The following PACRG variants were observed in gnomAD, a reference collection of about 807,000 sequenced individuals.
PACRG encodes parkin coregulated gene protein.
In PACRG, 29 loss-of-function variants were observed where a neutral mutation model predicts 29.7. The ratio of observed to expected loss-of-function variants is 0.98; its 90% CI spans 0.73 to 1.33. The LOEUF is 1.33. Ranked by LOEUF, PACRG falls within the 40% of genes most tolerant of loss-of-function variation. PACRG has a pLI of 0.00. For synonymous variants in PACRG, 116 were observed against 118.7 expected, an observed-to-expected ratio of 0.98 and a Z score of 0.15; for missense variants, 279 against 316.2, an observed-to-expected ratio of 0.88 and a Z score of 0.89.
chr6:162,742,740 G>A (rs967924884), intron 1 of PACRG, among the ~76,000 whole-genome samples: 2 of 151,886 alleles, frequency 1.3e-5, no homozygotes, highest in South Asian at 2.1e-4. Flanking sequence ...TCATCCATTG[G>A]TGGATGCTTA....
intron 2 of PACRG, among the ~76,000 whole-genome samples, chr6:162,987,322 T>A (rs1802988832): frequency 6.6e-6 from 1 of 152,166 alleles, no homozygotes. Context: ...GCTACCAGGC[T>A]CCAGGCTGGT....
intron 4 of PACRG, among the ~76,000 whole-genome samples, chr6:163,216,231 C>G (rs753241847): frequency 3.3e-5 from 5 of 152,060 alleles, no homozygotes; most frequent in Non-Finnish European, 7.4e-5. Context: ...TCTGGGACAC[C>G]AGGGTGATGT....
intron 1 of PACRG, among the ~76,000 whole-genome samples, chr6:162,773,801 G>T (rs1783432723): frequency 6.6e-6 from 1 of 151,962 alleles, no homozygotes; most frequent in Non-Finnish European, 1.5e-5. Context: ...TAATTAAATA[G>T]AAACCTTATT....
intron 2 of PACRG, among the ~76,000 whole-genome samples, chr6:163,018,947 C>G (rs910381966): frequency 6.6e-6 from 1 of 152,100 alleles, no homozygotes; most frequent in Non-Finnish European, 1.5e-5. Flanking sequence ...GTTTCTTAAA[C>G]TGTTGTCTGT....
chr6:163,289,960 G>A (rs1209661790), intron 4 of PACRG, among the ~76,000 whole-genome samples: 1 of 152,060 alleles, frequency 6.6e-6, no homozygotes, highest in Non-Finnish European at 1.5e-5. Context: ...TGATTCTCCT[G>A]CCTCAGCCTC....
chr6:163,240,875 C>T (rs1199285742), intron 4 of PACRG, among the ~76,000 whole-genome samples: 2 of 152,220 alleles, frequency 1.3e-5, no homozygotes, highest in South Asian at 2.1e-4. Context: ...GGCTTCCCTC[C>T]TCGCCCGTAG....
chr6:162,908,239 C>T (rs1444020264), intron 2 of PACRG, among the ~76,000 whole-genome samples: 2 of 152,202 alleles, frequency 1.3e-5, no homozygotes, highest in Non-Finnish European at 2.9e-5. Flanking sequence ...GAAACTCAAA[C>T]TTCAGCCAAG....
intron 3 of PACRG, among the ~76,000 whole-genome samples, chr6:163,065,925 G>C (rs1811503601): frequency 6.6e-6 from 1 of 152,276 alleles, no homozygotes; most frequent in Admixed American, 6.5e-5. Context: ...GGCCAGAAAA[G>C]ATATTAAATT....
At chr6:163,305,110 T>G (rs1235054775) in intron 4 of PACRG, among the ~76,000 whole-genome samples, 1 of 152,184 alleles carries the variant, frequency 6.6e-6, no homozygotes, top group African/African-American at 2.4e-5. Context: ...GTGCCTGTGC[T>G]CCTCACAGGA....
At chr6:163,151,410 C>G (rs1021695760) in intron 4 of PACRG, among the ~76,000 whole-genome samples, 2 of 152,186 alleles carry the variant, frequency 1.3e-5, no homozygotes, top group African/African-American at 4.8e-5. Flanking sequence ...TTCACGATGT[C>G]TGCATATGTT....
intron 3 of PACRG, among the ~76,000 whole-genome samples, chr6:163,077,774 A>C (rs970492475): frequency 2.6e-5 from 4 of 152,222 alleles, no homozygotes; most frequent in African/African-American, 9.6e-5. Flanking sequence ...TGGTTACCAG[A>C]TACAGAAAGA....
At chr6:163,213,504 C>T (rs751510989) in intron 4 of PACRG, among the ~76,000 whole-genome samples, 14 of 152,034 alleles carry the variant, frequency 9.2e-5, no homozygotes, top group Non-Finnish European at 1.8e-4. Context: ...GCTTGTGTTA[C>T]GATTATGTAG....
chr6:163,076,084 G>C (rs1812513873), intron 3 of PACRG, among the ~76,000 whole-genome samples: 1 of 152,130 alleles, frequency 6.6e-6, no homozygotes, highest in Admixed American at 6.5e-5. Context: ...AATCCTACAA[G>C]GGCATTATGA....
intron 2 of PACRG, among the ~76,000 whole-genome samples, chr6:162,986,353 T>TA (rs970557907): frequency 4.7e-4 from 72 of 151,966 alleles, no homozygotes; most frequent in African/African-American, 1.7e-3. Context: ...TGTACTGGTA[T>TA]AAAAAAGGTA....
chr6:162,732,726 A>T (rs1326857401), intron 1 of PACRG, among the ~76,000 whole-genome samples: 4 of 152,210 alleles, frequency 2.6e-5, no homozygotes, highest in African/African-American at 9.6e-5. Flanking sequence ...GTACAATATC[A>T]TCCACCTATC....
chr6:163,136,729 G>T (rs539303618), intron 4 of PACRG, among the ~76,000 whole-genome samples: 1 of 152,210 alleles, frequency 6.6e-6, no homozygotes, highest in South Asian at 2.1e-4. Flanking sequence ...TGCCAATTTA[G>T]GGATTACTGA....
chr6:163,290,140 A>G (rs1448300125), intron 4 of PACRG, among the ~76,000 whole-genome samples: 1 of 152,108 alleles, frequency 6.6e-6, no homozygotes, highest in African/African-American at 2.4e-5. Flanking sequence ...GATTACAGGC[A>G]TGAGCCACCA....
intron 4 of PACRG, among the ~76,000 whole-genome samples, chr6:163,228,379 CAAAAAAAAA>C (rs11362557): frequency 3.5e-4 from 24 of 68,172 alleles, no homozygotes; most frequent in East Asian, 1.3e-3. Context: ...TTTAAGCAGG[CAAAAAAAAA>C]AAAAAAAAAA....
chr6:162,851,322 A>G (rs1213968851), intron 2 of PACRG, among the ~76,000 whole-genome samples: 1 of 152,050 alleles, frequency 6.6e-6, no homozygotes, highest in African/African-American at 2.4e-5. Flanking sequence ...CTCTTCACCC[A>G]CACTATGATC....
Sources: allele counts gnomAD v4.1 joint callset (sites outside exome capture counted in the v4.1 genomes callset), GRCh38; gene constraint gnomAD v4.1.1; transcripts MANE v1.5; gene names NCBI Gene and HGNC (gene_info 2026-07-23, HGNC 2026-07-21).